The following EXOC2 variants were observed in gnomAD, a reference collection of about 807,000 sequenced individuals.
EXOC2 encodes SEC5-like 1.
EXOC2 carries 70 observed loss-of-function variants against 131.8 expected under a neutral mutation model. The ratio of observed to expected loss-of-function variants is 0.53; its 90% CI spans 0.44 to 0.65. EXOC2 has a LOEUF of 0.65. Ranked by LOEUF, EXOC2 falls within the 30% of genes least tolerant of loss-of-function variation. The pLI is 0.00. For missense variants in EXOC2, 923 were observed against 1,108.6 expected, an observed-to-expected ratio of 0.83 and a Z score of 2.38; for synonymous variants, 411 against 398.4, an observed-to-expected ratio of 1.03 and a Z score of -0.38.
At chr6:527,227 T>C (rs1405940438) in intron 23 of EXOC2, among the ~76,000 whole-genome samples, 1 of 152,216 alleles carries the variant, frequency 6.6e-6, no homozygotes, top group African/African-American at 2.4e-5. Context: ...AAAATTACAA[T>C]TTCTCCTTAT....
chr6:663,995 C>G (rs924470770), intron 1 of EXOC2, among the ~76,000 whole-genome samples: 1 of 152,184 alleles, frequency 6.6e-6, no homozygotes, highest in Non-Finnish European at 1.5e-5. Flanking sequence ...GTCAATCTGT[C>G]ACTGTTTGCT....
intron 4 of EXOC2, among the ~76,000 whole-genome samples, chr6:626,888 C>G (rs536648099): frequency 6.6e-6 from 1 of 152,160 alleles, no homozygotes; most frequent in African/African-American, 2.4e-5. Flanking sequence ...CCACCACGCC[C>G]GGCCGCAAAC....
intron 24 of EXOC2, among the ~76,000 whole-genome samples, chr6:499,087 T>C (rs1323526941): frequency 6.6e-6 from 1 of 152,142 alleles, no homozygotes; most frequent in Non-Finnish European, 1.5e-5. Context: ...GCGTGTCAAG[T>C]GAGAGCAAGT....
At chr6:518,859 C>T (rs2493016) in intron 23 of EXOC2, among the ~76,000 whole-genome samples, 24,950 of 152,102 alleles carry the variant, frequency 0.16, 2,406 homozygotes, top group African/African-American at 0.27. Flanking sequence ...CTCCAAACTT[C>T]GTAAATGTAA....
intron 1 of EXOC2, among the ~76,000 whole-genome samples, chr6:682,968 G>A (rs1243039044): frequency 6.6e-6 from 1 of 152,176 alleles, no homozygotes; most frequent in Non-Finnish European, 1.5e-5. Context: ...CTAAATTCCT[G>A]AAGTCTGATT....
At chr6:642,860 T>C (rs944430807) in intron 1 of EXOC2, among the ~76,000 whole-genome samples, 2 of 151,882 alleles carry the variant, frequency 1.3e-5, no homozygotes, top group Non-Finnish European at 2.9e-5. Flanking sequence ...TCTAAAGATA[T>C]ATAGTTCTTT....
At chr6:638,839 G>A (rs1581606598) in intron 1 of EXOC2, among the ~76,000 whole-genome samples, 2 of 152,184 alleles carry the variant, frequency 1.3e-5, no homozygotes, top group East Asian at 3.9e-4. Context: ...TGAGGCAAGA[G>A]AACTGCTTGA....
intron 21 of EXOC2, among the ~76,000 whole-genome samples, chr6:550,709 C>A (rs546087210): frequency 6.6e-6 from 1 of 152,342 alleles, no homozygotes; most frequent in African/African-American, 2.4e-5. Context: ...CCCCTCCAGT[C>A]CCCGGGCCTG....
chr6:610,281 T>C, intron 6 of EXOC2, 103 bp from the exon 7 acceptor site: 1 of 1,021,400 alleles, frequency 9.8e-7, no homozygotes, highest in Non-Finnish European at 1.5e-6. Flanking sequence ...GTCATATTAT[T>C]TTCACTGCTG....
Position 506,466 on chromosome 6 carries a change from C to T in EXOC2, c.2381-6766G>A, listed in dbSNP as rs1764542595. Among the ~76,000 whole-genome samples the T allele has an allele frequency of 6.6e-6, 1 of 152,182 alleles. No homozygotes were observed. The highest frequency in any genetic ancestry group is 1.5e-5 in the Non-Finnish European group (1 of 68,034). On this transcript the variant is annotated intron_variant, in intron 23 of 27. Coordinates refer to ENST00000230449, the MANE Select transcript of EXOC2 (RefSeq NM_018303.6). This position sits in a 1 kb window ranked among gnomAD's most constrained non-coding sequence, Gnocchi z 4.4. Reference sequence around the variant, plus strand: ...ATTTGCTCCTTGGAGTTAAAGGCTACATTATTATGCTGCAGTAATAAGTAC... The same window carrying T: ...ATTTGCTCCTTGGAGTTAAAGGCTATATTATTATGCTGCAGTAATAAGTAC...
intron 22 of EXOC2, among the ~76,000 whole-genome samples, chr6:541,511 G>C (rs1756533471): frequency 6.6e-6 from 1 of 151,886 alleles, no homozygotes; most frequent in East Asian, 1.9e-4. Flanking sequence ...AAGAAACAAA[G>C]AATAAAAATA....
chr6:652,013 G>A (rs1450866911), intron 1 of EXOC2, among the ~76,000 whole-genome samples: 2 of 148,176 alleles, frequency 1.3e-5, no homozygotes, highest in East Asian at 2.0e-4. Context: ...CCAAGATTAC[G>A]CCACTGCACT....
At chr6:605,726 T>C (rs1046341666) in intron 7 of EXOC2, among the ~76,000 whole-genome samples, 6 of 152,366 alleles carry the variant, frequency 3.9e-5, no homozygotes, top group African/African-American at 1.4e-4. Context: ...ATCTTAGTTA[T>C]TTCTTGCCTT....
At chr6:597,164 T>C (rs72835956) in intron 10 of EXOC2, among the ~76,000 whole-genome samples, 16,928 of 152,124 alleles carry the variant, frequency 0.11, 1,156 homozygotes, top group East Asian at 0.15. Flanking sequence ...AATTCACCTC[T>C]CTTAATATCA....
intron 12 of EXOC2, among the ~76,000 whole-genome samples, chr6:573,765 T>G (rs74553483): frequency 0.011 from 1,713 of 152,186 alleles, 15 homozygotes; most frequent in African/African-American, 0.023. Flanking sequence ...AATACATGGT[T>G]AGAAAATGAC....
chr6:613,875 G>A (rs535382394), intron 6 of EXOC2, among the ~76,000 whole-genome samples: 11 of 151,738 alleles, frequency 7.2e-5, no homozygotes, highest in African/African-American at 2.7e-4. Context: ...AAAACTTAAA[G>A]TATAATTTAA....
chr6:617,642 A>G, intron 6 of EXOC2, 69 bp downstream of exon 6: 3 of 1,559,012 alleles, frequency 1.9e-6, no homozygotes, highest in Non-Finnish European at 2.6e-6. Flanking sequence ...CACCCTGTAA[A>G]CACCCTGCAG....
intron 7 of EXOC2, among the ~76,000 whole-genome samples, chr6:606,981 G>T (rs1760452520): frequency 6.6e-6 from 1 of 152,212 alleles, no homozygotes; most frequent in Non-Finnish European, 1.5e-5. Context: ...TGCACACTTT[G>T]CTGTCTGCTG....
chr6:566,692 C>CT (rs146712124), intron 13 of EXOC2, among the ~76,000 whole-genome samples: 21,455 of 152,012 alleles, frequency 0.14, 1,591 homozygotes, highest in African/African-American at 0.17. Context: ...GGCTTGGGTA[C>CT]TTTTTTTCTT....
Sources: gnomAD v4.1 joint callset for allele counts (sites outside exome capture counted in the v4.1 genomes callset) on GRCh38, gnomAD v4.1.1 for gene constraint, Gnocchi (gnomAD v3.1) non-coding constraint, MANE v1.5 for transcripts, NCBI Gene and HGNC (gene_info 2026-07-23, HGNC 2026-07-21) for gene names.